PLA2G7: variants seen among roughly 807,000 people sequenced by gnomAD.
PLA2G7 encodes phospholipase A2 group VII.
PLA2G7 carries 63 observed loss-of-function variants against 49.6 expected under a neutral mutation model. The observed-to-expected ratio is 1.27, with a 90% confidence interval of 1.04 to 1.57. PLA2G7 has a LOEUF of 1.57. PLA2G7 is among the 40% of genes most tolerant of loss of function. The pLI is 0.00. For synonymous variants in PLA2G7, 193 were observed against 169.9 expected (o/e 1.14, Z -1.06); for missense variants, 596 against 521.2 (o/e 1.14, Z -1.40).
intron 1 of PLA2G7, among the ~76,000 whole-genome samples, chr6:46,732,146 C>T (rs1765753199): frequency 6.6e-6 from 1 of 152,192 alleles, no homozygotes; most frequent in South Asian, 2.1e-4. Flanking sequence ...ACTCCTCCAA[C>T]TCTCCTTCTC....
Position 46,709,149 on chromosome 6 carries a change from A to T in PLA2G7, c.869+178T>A, listed in dbSNP as rs1413641630. Among the ~76,000 whole-genome samples, 76 of 152,280 alleles carry T rather than the reference A, an allele frequency of 5.0e-4. 1 individual carries two copies. Among genetic ancestry groups the T allele is most frequent in the Non-Finnish European group, 1.5e-5 (1 of 68,020 alleles). Reference sequence around the variant, plus strand: ...TAGGGGGAGATTTTAATAGCAGGAGAGGTAGATGTTTTAGCCTAGGAAAAT... The same window carrying T: ...TAGGGGGAGATTTTAATAGCAGGAGTGGTAGATGTTTTAGCCTAGGAAAAT... On this transcript the variant is annotated intron_variant, in intron 9 of 11. Coordinates refer to ENST00000274793, the MANE Select transcript of PLA2G7 (RefSeq NM_005084.4).
chr6:46,734,442 G>A (rs1392618279), intron 1 of PLA2G7, among the ~76,000 whole-genome samples: 1 of 67,454 alleles, frequency 1.5e-5, no homozygotes, highest in Non-Finnish European at 2.8e-5. Context: ...GAGAGAGAGA[G>A]AGAGAGAGAG....
chr6:46,704,824 C>A, intron 11 of PLA2G7, 128 bp from the exon 12 acceptor site: 1 of 665,958 alleles, frequency 1.5e-6, no homozygotes, highest in Non-Finnish European at 2.6e-6. Flanking sequence ...ACGATGTGCT[C>A]TGTATCAGCT....
intron 1 of PLA2G7, among the ~76,000 whole-genome samples, chr6:46,733,820 C>T (rs1202975273): frequency 6.6e-6 from 1 of 152,188 alleles, no homozygotes; most frequent in African/African-American, 2.4e-5. Context: ...CGTGCTGAGC[C>T]TCTTGGGATT....
intron 1 of PLA2G7, among the ~76,000 whole-genome samples, chr6:46,728,016 GA>G (rs1371783765): frequency 1.3e-5 from 2 of 152,118 alleles, no homozygotes; most frequent in Non-Finnish European, 2.9e-5. Context: ...AGCAGCAATA[GA>G]AAACTAATAT....
chr6:46,721,480 A>C (rs1765398034), intron 2 of PLA2G7, among the ~76,000 whole-genome samples: 1 of 152,080 alleles, frequency 6.6e-6, no homozygotes, highest in South Asian at 2.1e-4. Flanking sequence ...TTAAAGACAA[A>C]GGGATTTTAA....
At chr6:46,728,589 T>C (rs1765638644) in intron 1 of PLA2G7, among the ~76,000 whole-genome samples, 1 of 152,236 alleles carries the variant, frequency 6.6e-6, no homozygotes, top group South Asian at 2.1e-4. Flanking sequence ...GGAATTAATC[T>C]GCATCCCATG....
rs780371256 is a variant in PLA2G7 at position 46,716,476 on chromosome 6, G to T, written c.284C>A (p.Thr95Asn). 7.4e-6 allele frequency: 12 copies of T among 1,613,778 alleles called. No individual in the cohort carries two copies. The highest frequency in any genetic ancestry group is 1.3e-5 in the African/African-American group (1 of 75,032). Residue 95 changes from threonine (T) to asparagine (N), a missense_variant, in exon 4 of 12, where the codon ACC (threonine) becomes AAC (asparagine). By Grantham distance (65) the Thr-to-Asn change is moderately conservative. Transcript: ENST00000274793. ...ATATTCTTTATTTGGGATCCAAAGGGTGTCAAGGCGATCATTATCTTGGGA... is the reference window on the plus strand; with the variant it reads ...ATATTCTTTATTTGGGATCCAAAGGTTGTCAAGGCGATCATTATCTTGGGA... ...YPSQDNDRLD[T>N]LWIPNKEYFW...
rs141048301 is a variant in PLA2G7, at chr6:46,733,245, T to A, written c.-35+1935A>T. ...GGGAATGTGTTTAGGCCCATGTATG[T>A]TCCTCACAACAAAAGTGCAAAGGGG... On this transcript the variant is annotated intron_variant, in intron 1 of 11. Coordinates refer to ENST00000274793, the MANE Select transcript of PLA2G7 (RefSeq NM_005084.4). Among the ~76,000 whole-genome samples, 259 of 152,322 alleles carry A rather than the reference T, an allele frequency of 1.7e-3. 1 individual carries two copies. The highest frequency in any genetic ancestry group is 5.5e-3 in the African/African-American group (228 of 41,572).
chr6:46,728,454 G>A (rs1180110368), intron 1 of PLA2G7, among the ~76,000 whole-genome samples: 1 of 152,126 alleles, frequency 6.6e-6, no homozygotes, highest in African/African-American at 2.4e-5. Context: ...AGAAAATGCT[G>A]GGGCAACTCT....
intron 3 of PLA2G7, 119 bp downstream of exon 3, chr6:46,716,856 A>G: frequency 9.8e-7 from 1 of 1,022,806 alleles, no homozygotes; most frequent in Non-Finnish European, 1.5e-6. Flanking sequence ...GAAACAATAC[A>G]AATTGCAAAA....
chr6:46,705,079 TA>T, intron 11 of PLA2G7, 73 bp downstream of exon 11: 1 of 1,062,544 alleles, frequency 9.4e-7, no homozygotes. Context: ...TAAATAGTAC[TA>T]AAGCTGTATT....
At chr6:46,729,643 G>T (rs9381474) in intron 1 of PLA2G7, among the ~76,000 whole-genome samples, 32,857 of 152,018 alleles carry the variant, frequency 0.22, 3,927 homozygotes, top group South Asian at 0.46. Flanking sequence ...ACCTAGACCC[G>T]GACCCTAAAG....
At chr6:46,712,615 C>T (rs925620746) in intron 5 of PLA2G7, among the ~76,000 whole-genome samples, 8 of 152,130 alleles carry the variant, frequency 5.3e-5, no homozygotes, top group Non-Finnish European at 8.8e-5. Flanking sequence ...ACAGGGCAAC[C>T]CTTCACAACA....
At chr6:46,722,127 C>G (rs1010534164) in intron 2 of PLA2G7, among the ~76,000 whole-genome samples, 2 of 152,120 alleles carry the variant, frequency 1.3e-5, no homozygotes, top group Non-Finnish European at 2.9e-5. Flanking sequence ...GATGGCTGTC[C>G]CGTTTTGGCC....
intron 6 of PLA2G7, among the ~76,000 whole-genome samples, chr6:46,712,031 A>G (rs1765046897): frequency 6.6e-6 from 1 of 152,208 alleles, no homozygotes; most frequent in East Asian, 1.9e-4. Context: ...ACTGAATGAA[A>G]TGGCGTATTA....
chr6:46,715,870 A>G (rs753985315), intron 4 of PLA2G7, among the ~76,000 whole-genome samples: 25 of 152,244 alleles, frequency 1.6e-4, no homozygotes, highest in Non-Finnish European at 3.2e-4. Flanking sequence ...AGCAGAATGT[A>G]GACAGTAAGT....
At chr6:46,716,650 G>T (rs1765211900) in intron 3 of PLA2G7, 122 bp from the exon 4 acceptor site, 2 of 923,486 alleles carry the variant, frequency 2.2e-6, no homozygotes, top group Non-Finnish European at 3.3e-6. Context: ...AAGGTCTAAA[G>T]AACTTTTTAG....
intron 1 of PLA2G7, among the ~76,000 whole-genome samples, chr6:46,731,229 A>T (rs1015915020): frequency 2.0e-5 from 3 of 152,156 alleles, no homozygotes; most frequent in African/African-American, 7.2e-5. Flanking sequence ...ACTTCCTGAC[A>T]CTCTAAAACT....
Sources: gnomAD v4.1 joint callset for allele counts (sites outside exome capture counted in the v4.1 genomes callset) on GRCh38, gnomAD v4.1.1 for gene constraint, MANE v1.5 for transcripts, NCBI Gene and HGNC (gene_info 2026-07-23, HGNC 2026-07-21) for gene names.